Variants in SSX2IP observed in about 807,000 individuals in gnomAD.
SSX2IP encodes SSX family member 2 interacting protein, also known as afadin- and alpha-actinin-binding protein.
SSX2IP carries 55 observed loss-of-function variants against 84.9 expected under a neutral mutation model. The observed-to-expected ratio is 0.65, with a 90% CI of 0.52 to 0.81. SSX2IP has a LOEUF of 0.81. SSX2IP is among the 30% of genes least tolerant of loss of function. The pLI, the probability that SSX2IP is intolerant of heterozygous loss-of-function variation, is 0.00. For synonymous variants in SSX2IP, 239 were observed against 234.7 expected (o/e 1.02, Z -0.17); for missense variants, 664 against 705.2 (o/e 0.94, Z 0.66).
intron 1 of SSX2IP, among the ~76,000 whole-genome samples, chr1:84,687,862 A>G (rs909250721): frequency 6.6e-5 from 10 of 152,218 alleles, no homozygotes; most frequent in Admixed American, 1.3e-4. Context: ...AGCCACCTGT[A>G]ACTCAACTGT....
chr1:84,660,626 G>A (rs567727415), intron 8 of SSX2IP, among the ~76,000 whole-genome samples: 1 of 151,938 alleles, frequency 6.6e-6, no homozygotes, highest in East Asian at 1.9e-4. Context: ...TTGGCCGTGG[G>A]TGGTGGTGCA....
chr1:84,661,280 G>A (rs887240616), intron 8 of SSX2IP, among the ~76,000 whole-genome samples: 3 of 152,000 alleles, frequency 2.0e-5, no homozygotes, highest in Non-Finnish European at 4.4e-5. Flanking sequence ...TATCACTAAT[G>A]TGAACTTGCT....
intron 1 of SSX2IP, among the ~76,000 whole-genome samples, chr1:84,680,665 A>T (rs6576721): frequency 1.3e-5 from 2 of 152,092 alleles, no homozygotes; most frequent in African/African-American, 2.4e-5. Context: ...AAAAAAACAA[A>T]TATCAGTAGA....
At chr1:84,658,568 TC>T in intron 8 of SSX2IP, 100 bp from the exon 9 acceptor site, 1 of 1,362,760 alleles carries the variant, frequency 7.3e-7, no homozygotes. Context: ...GGAAGCCACA[TC>T]AAAATCATTT....
Position 84,669,769 on chromosome 1 carries a change from T to G in SSX2IP, c.338A>C (p.Asn113Thr). The G allele has an allele frequency of 6.2e-7, 1 of 1,613,888 alleles. No individual in the cohort carries two copies. Among genetic ancestry groups the G allele is most frequent in the Non-Finnish European group, 8.5e-7 (1 of 1,179,812 alleles). Residue 113 changes from asparagine (N) to threonine (T), a missense_variant, in exon 4 of 14, where the codon AAC (asparagine) becomes ACC (threonine). Transcript: ENST00000342203. ...CTCCACATTTTCCTGAGCTAGAAGGTTCTTCCGCTGAAGCACAAGCAGCTC... is the reference window on the plus strand; with the variant it reads ...CTCCACATTTTCCTGAGCTAGAAGGGTCTTCCGCTGAAGCACAAGCAGCTC... ...MNELLVLQRK[N>T]LLAQENVETQ...
chr1:84,648,653 T>C (rs1296210481), intron 13 of SSX2IP, among the ~76,000 whole-genome samples: 2 of 152,352 alleles, frequency 1.3e-5, no homozygotes, highest in East Asian at 3.9e-4. Flanking sequence ...TGCTATCTCT[T>C]AGATATAAAA....
intron 13 of SSX2IP, chr1:84,649,687 A>G (rs904617530): frequency 5.0e-5 from 14 of 278,702 alleles, no homozygotes; most frequent in African/African-American, 2.5e-4. Context: ...GATCTTTTCT[A>G]TTCCTCTCTG....
chr1:84,680,456 A>T (rs1654920572), intron 1 of SSX2IP: 1 of 152,116 alleles, frequency 6.6e-6, no homozygotes, highest in African/African-American at 2.4e-5. Flanking sequence ...TTAGTTACCA[A>T]ATTTCTTTAA....
intron 11 of SSX2IP, among the ~76,000 whole-genome samples, chr1:84,652,819 A>G (rs1205512741): frequency 3.3e-5 from 5 of 151,788 alleles, no homozygotes; most frequent in Admixed American, 2.0e-4. Flanking sequence ...AGGTCAGGAG[A>G]TCGAGACCAT....
At chr1:84,670,056 C>CA in intron 3 of SSX2IP, 163 bp from the exon 4 acceptor site, 1 of 554,278 alleles carries the variant, frequency 1.8e-6, no homozygotes. Context: ...AATTGCTGAG[C>CA]AAGTAAATTC....
intron 1 of SSX2IP, among the ~76,000 whole-genome samples, chr1:84,675,173 A>AG (rs1216242980): frequency 6.6e-6 from 1 of 152,236 alleles, no homozygotes; most frequent in Non-Finnish European, 1.5e-5. Flanking sequence ...GGACTCCATT[A>AG]CAAAGTCAGT....
intron 6 of SSX2IP, among the ~76,000 whole-genome samples, chr1:84,663,617 A>C (rs1381699580): frequency 6.6e-6 from 1 of 152,224 alleles, no homozygotes; most frequent in Non-Finnish European, 1.5e-5. Flanking sequence ...TGCTGACAGC[A>C]GGCAGAGTCT....
At chr1:84,648,496 C>T (rs1649766604) in intron 13 of SSX2IP, among the ~76,000 whole-genome samples, 1 of 152,076 alleles carries the variant, frequency 6.6e-6, no homozygotes, top group East Asian at 1.9e-4. Context: ...ACTTGCAACA[C>T]CCTATGATTT....
chr1:84,687,156 T>G (rs1655914916), intron 1 of SSX2IP, among the ~76,000 whole-genome samples: 1 of 152,178 alleles, frequency 6.6e-6, no homozygotes, highest in Non-Finnish European at 1.5e-5. Flanking sequence ...TTATTATCCT[T>G]CATAAATGCG....
At chr1:84,679,836 G>A (rs6576720) in intron 1 of SSX2IP, among the ~76,000 whole-genome samples, 139,409 of 152,206 alleles carry the variant, frequency 0.92, 64,151 homozygotes, top group East Asian at 1. Flanking sequence ...CTTTTTACAG[G>A]TAAGGAAATT....
upstream of SSX2IP, chr1:84,690,469 G>A (rs1382476486): frequency 1.3e-5 from 2 of 151,592 alleles, no homozygotes; most frequent in African/African-American, 2.4e-5. Flanking sequence ...CCTCCCGCCC[G>A]CGGCCCCTCC....
At chr1:84,669,309 A>G (rs1309197971) in intron 4 of SSX2IP, among the ~76,000 whole-genome samples, 1 of 152,110 alleles carries the variant, frequency 6.6e-6, no homozygotes, top group East Asian at 1.9e-4. Context: ...CAGATGCCTC[A>G]ATAATATTTT....
chr1:84,644,999 ATT>A lies in SSX2IP; in HGVS notation c.*2432_*2433del, dbSNP rs1649307627. On this transcript the variant is annotated 3_prime_UTR_variant, in exon 14 of 14. Coordinates refer to ENST00000342203, the MANE Select transcript of SSX2IP (RefSeq NM_001166293.2). Reference sequence around the variant, plus strand: ...AATGGTGAACAAAATGTTTATCTCAATTTTTCTTTGACATTTTTATGCTTTGA... The same window carrying A: ...AATGGTGAACAAAATGTTTATCTCAATTTCTTTGACATTTTTATGCTTTGA... 6.6e-6 allele frequency: 1 copy of A among 152,180 alleles called. No individual in the cohort carries two copies. Among genetic ancestry groups the A allele is most frequent in the Non-Finnish European group, 1.5e-5 (1 of 68,030 alleles). The allele number at this position is 152,180 out of a possible 1,614,324, so 9.4% of individuals were successfully genotyped here. A position where few individuals can be genotyped will look rare whatever the true frequency, so the allele number is the denominator to read the frequency against.
At chr1:84,673,011 C>A (rs919449992) in intron 1 of SSX2IP, among the ~76,000 whole-genome samples, 2 of 152,034 alleles carry the variant, frequency 1.3e-5, no homozygotes, top group Non-Finnish European at 2.9e-5. Context: ...GCGACAGAGA[C>A]CCCATCTCAA....
Sources: gnomAD v4.1 joint callset for allele counts (sites outside exome capture counted in the v4.1 genomes callset) on GRCh38, gnomAD v4.1.1 for gene constraint, MANE v1.5 for transcripts, NCBI Gene and HGNC (gene_info 2026-07-23, HGNC 2026-07-21) for gene names.